The following SP140L variants were observed in gnomAD, a reference collection of about 807,000 sequenced individuals.
SP140L encodes nuclear body protein SP140-like protein.
In SP140L, 64 loss-of-function variants were observed where a neutral mutation model predicts 84.3. The observed-to-expected ratio is 0.76, with a 90% confidence interval of 0.62 to 0.94. The LOEUF is 0.94. SP140L is among the 40% of genes least tolerant of loss of function. The probability of loss-of-function intolerance (pLI) is 0.00; values close to 1 mark genes in which losing one functional copy is unlikely to be tolerated. For synonymous variants in SP140L, 242 were observed against 236.9 expected (o/e 1.02, Z -0.20); for missense variants, 628 against 692.5 (o/e 0.91, Z 1.05).
chr2:230,355,477 C>T (rs1256689458), intron 2 of SP140L, among the ~76,000 whole-genome samples: 1 of 152,120 alleles, frequency 6.6e-6, no homozygotes. Flanking sequence ...TCAGCTCCCC[C>T]AAATTTATCT....
chr2:230,356,423 AC>A (rs1360666301), intron 2 of SP140L, among the ~76,000 whole-genome samples: 1 of 152,210 alleles, frequency 6.6e-6, no homozygotes, highest in Non-Finnish European at 1.5e-5. Flanking sequence ...ACAAAAATGA[AC>A]AAACTAACTG....
chr2:230,391,948 G>A, intron 11 of SP140L, 139 bp from the exon 12 acceptor site: 1 of 1,229,540 alleles, frequency 8.1e-7, no homozygotes, highest in Non-Finnish European at 1.1e-6. Flanking sequence ...GGCCTCTGAA[G>A]TCTGAGAGGG....
chr2:230,328,248 G>A (rs1226666236), intron 1 of SP140L, among the ~76,000 whole-genome samples: 1 of 152,112 alleles, frequency 6.6e-6, no homozygotes, highest in African/African-American at 2.4e-5. Context: ...GTGTATAAAC[G>A]AAAAAGTCTT....
chr2:230,355,669 T>C (rs1179284815), intron 2 of SP140L, among the ~76,000 whole-genome samples: 1 of 152,190 alleles, frequency 6.6e-6, no homozygotes, highest in Non-Finnish European at 1.5e-5. Context: ...AGCATAAGGA[T>C]AGACAAACAG....
chr2:230,399,627 T>G (rs1422662021), intron 14 of SP140L, among the ~76,000 whole-genome samples: 1 of 152,136 alleles, frequency 6.6e-6, no homozygotes, highest in Non-Finnish European at 1.5e-5. Flanking sequence ...GCACAAAACC[T>G]ACAGCCTAGG....
chr2:230,328,419 C>T (rs1256762814), intron 1 of SP140L, among the ~76,000 whole-genome samples: 1 of 152,142 alleles, frequency 6.6e-6, no homozygotes, highest in African/African-American at 2.4e-5. Context: ...TTACATTGTG[C>T]GTGCTATTCT....
At chr2:230,358,276 G>A (rs1286516769) in intron 3 of SP140L, among the ~76,000 whole-genome samples, 1 of 152,134 alleles carries the variant, frequency 6.6e-6, no homozygotes, top group African/African-American at 2.4e-5. Context: ...AATTGACAGA[G>A]CATTTTATTT....
At chr2:230,373,567 A>AC (rs2061154002) in intron 7 of SP140L, among the ~76,000 whole-genome samples, 1 of 152,194 alleles carries the variant, frequency 6.6e-6, no homozygotes, top group African/African-American at 2.4e-5. Flanking sequence ...CCCACCATTG[A>AC]GACATATTCC....
intron 2 of SP140L, among the ~76,000 whole-genome samples, chr2:230,331,966 C>T (rs2059737218): frequency 1.3e-5 from 2 of 151,590 alleles, no homozygotes; most frequent in Admixed American, 1.3e-4. Flanking sequence ...TTCTTTTTCC[C>T]TTTGTGCATT....
In SP140L at chr2:230,383,554, C is replaced by T. The variant is rs768442540; in HGVS notation, c.682C>T (p.Gln228Ter). The stretch of plus-strand genomic sequence containing the variant: ...CTGGAGCAGAATGGGAACGAGAACG[C>T]AGAAAAACAACCAACAAAATGGTAA... ...HGWSRMGTRT[Q>*]KNNQQNDNSK... Residue 228 changes from glutamine (Q) to a stop codon, truncating the protein, a stop_gained, in exon 8 of 19, where the codon CAG becomes TAG. Transcript: ENST00000415673. LOFTEE classifies it high-confidence loss of function. 6.2e-7 allele frequency: 1 copy of T among 1,605,280 alleles called. No individual in the cohort carries two copies. The highest frequency in any genetic ancestry group is 8.5e-7 in the Non-Finnish European group (1 of 1,175,874).
intron 5 of SP140L, among the ~76,000 whole-genome samples, chr2:230,363,049 T>C (rs2060768519): frequency 1.3e-5 from 2 of 152,150 alleles, no homozygotes; most frequent in Non-Finnish European, 2.9e-5. Context: ...TTTTCAGCTT[T>C]ACAATGGCTT....
intron 2 of SP140L, among the ~76,000 whole-genome samples, chr2:230,329,768 TGG>T (rs2059676685): frequency 6.6e-6 from 1 of 152,238 alleles, no homozygotes; most frequent in South Asian, 2.1e-4. Context: ...TTACCCAGTC[TGG>T]GGTATTCCTT....
Position 230,401,403 on chromosome 2 carries a change from CT to C in SP140L, c.1461del (p.Glu488ArgfsTer21), listed in dbSNP as rs1223520044. 1 of 1,578,644 alleles carries C rather than the reference CT, an allele frequency of 6.3e-7. No homozygotes were observed. The highest frequency in any genetic ancestry group is 8.6e-7 in the Non-Finnish European group (1 of 1,164,198). ...CTCCTCTTGAAAGTCTATTGCTGTTCTGAGAGCTCCTTTTTTGCCAAGATTC... is the reference window on the plus strand; with the variant it reads ...CTCCTCTTGAAAGTCTATTGCTGTTCGAGAGCTCCTTTTTTGCCAAGATTC... Reference protein sequence around the residue: ...EFLLLKVYCCSESSFFAKIPY... With the variant: ...EFLLLKVYCCXESSFFAKIPY... On this transcript the variant is annotated frameshift_variant, in exon 17 of 19. Coordinates refer to ENST00000415673, the MANE Select transcript of SP140L (RefSeq NM_138402.6). LOFTEE classifies it high-confidence loss of function.
chr2:230,336,004 AG>A (rs1347436586), intron 2 of SP140L, among the ~76,000 whole-genome samples: 1 of 152,250 alleles, frequency 6.6e-6, no homozygotes, highest in African/African-American at 2.4e-5. Flanking sequence ...CAATATGGCC[AG>A]GACTCACATA....
At chr2:230,364,219 G>C (rs886526599) in intron 5 of SP140L, among the ~76,000 whole-genome samples, 2 of 152,036 alleles carry the variant, frequency 1.3e-5, no homozygotes, top group Non-Finnish European at 2.9e-5. Flanking sequence ...ACTTTTATAT[G>C]ATTTGCGCTG....
At chr2:230,379,114 C>T (rs1441639885) in intron 7 of SP140L, among the ~76,000 whole-genome samples, 1 of 152,014 alleles carries the variant, frequency 6.6e-6, no homozygotes, top group African/African-American at 2.4e-5. Context: ...TATGTTAAGC[C>T]ATCTTGTGCA....
At chr2:230,357,994 G>A in intron 3 of SP140L, 27 bp downstream of exon 3, 2 of 1,609,692 alleles carry the variant, frequency 1.2e-6, no homozygotes, top group Non-Finnish European at 1.7e-6. Context: ...TCACAACCTG[G>A]CAGATATGCT....
intron 2 of SP140L, among the ~76,000 whole-genome samples, chr2:230,354,537 G>A (rs1440102039): frequency 6.6e-6 from 1 of 152,258 alleles, no homozygotes. Flanking sequence ...GGAGGCCAAG[G>A]TGGGAGGATC....
intron 8 of SP140L, 121 bp from the exon 9 acceptor site, chr2:230,385,103 T>A: frequency 2.3e-6 from 2 of 866,476 alleles, no homozygotes; most frequent in South Asian, 1.7e-5. Context: ...GAAAATGCTC[T>A]GGACACCTGC....
Sources: gnomAD v4.1 joint callset for allele counts (sites outside exome capture counted in the v4.1 genomes callset) on GRCh38, gnomAD v4.1.1 for gene constraint, MANE v1.5 for transcripts, NCBI Gene and HGNC (gene_info 2026-07-23, HGNC 2026-07-21) for gene names.